Variants in OPCML observed in about 807,000 individuals in gnomAD.
OPCML encodes the protein opioid-binding protein/cell adhesion molecule.
A neutral mutation model predicts 37.8 loss-of-function variants in OPCML; 13 were observed. That is an observed-to-expected ratio of 0.34 (90% CI 0.22 to 0.55). The LOEUF is 0.55. OPCML is among the 20% of genes least tolerant of loss of function. OPCML has a pLI of 0.91. For missense variants in OPCML, 341 were observed against 435.6 expected, an observed-to-expected ratio of 0.78 and a Z score of 1.93; for synonymous variants, 176 against 168.8, an observed-to-expected ratio of 1.04 and a Z score of -0.33.
chr11:132,535,289 A>C (rs75507394), intron 3 of OPCML, among the ~76,000 whole-genome samples: 1,941 of 152,198 alleles, frequency 0.013, 41 homozygotes, highest in African/African-American at 0.039. Flanking sequence ...ATGCACAGGG[A>C]AAATCTCACA....
At chr11:133,321,108 G>GT (rs1237426024) in intron 1 of OPCML, among the ~76,000 whole-genome samples, 1 of 152,254 alleles carries the variant, frequency 6.6e-6, no homozygotes, top group East Asian at 1.9e-4. Context: ...TTGGGGGAAG[G>GT]TGGGGGGACA....
chr11:133,157,983 A>G (rs1026453569), intron 1 of OPCML, among the ~76,000 whole-genome samples: 2 of 152,248 alleles, frequency 1.3e-5, no homozygotes, highest in African/African-American at 2.4e-5. Context: ...GAGGGCCAGC[A>G]GGAAGTGCAG....
At chr11:133,472,506 A>C (rs997501666) in intron 1 of OPCML, among the ~76,000 whole-genome samples, 2 of 151,822 alleles carry the variant, frequency 1.3e-5, no homozygotes, top group Non-Finnish European at 2.9e-5. Flanking sequence ...GATGTGATGC[A>C]GATCAGGCAA....
chr11:133,191,506 T>G lies in OPCML; in HGVS notation c.62-248496A>C, dbSNP rs11223385. 3.4e-3 allele frequency among the ~76,000 whole-genome samples: 450 copies of G among 132,948 alleles called. 2 individuals are homozygous for G. Among genetic ancestry groups the G allele is most frequent in the South Asian group, 5.0e-3 (22 of 4,424 alleles). 87.2% of individuals were successfully genotyped at this position (132,948 alleles called of 152,430 possible). A position where few individuals can be genotyped will look rare whatever the true frequency, so the allele number is the denominator to read the frequency against. On this transcript the variant is annotated intron_variant, in intron 1 of 7. Transcript: ENST00000524381. ...TCTTTTTCTTTTCTGTGTGTGTGGG[T>G]GTGTGTGTGTGTGTGTGTGTGTGTG...
chr11:132,960,178 G>A (rs75053792), intron 1 of OPCML, among the ~76,000 whole-genome samples: 1,543 of 152,324 alleles, frequency 0.01, 16 homozygotes, highest in Non-Finnish European at 0.017. Context: ...TCTAAGGTAA[G>A]TGACTTACGT....
At chr11:133,483,577 ATAGAT>A (rs1407671785) in intron 1 of OPCML, among the ~76,000 whole-genome samples, 1 of 151,870 alleles carries the variant, frequency 6.6e-6, no homozygotes, top group Non-Finnish European at 1.5e-5. Context: ...GGAATGGATG[ATAGAT>A]TAGATAGATT....
chr11:133,359,266 C>T (rs1944361395), intron 1 of OPCML, among the ~76,000 whole-genome samples: 1 of 152,176 alleles, frequency 6.6e-6, no homozygotes, highest in South Asian at 2.1e-4. Context: ...TCCAGCCGTA[C>T]TCATCAATGT....
intron 1 of OPCML, among the ~76,000 whole-genome samples, chr11:133,524,456 T>A (rs948378163): frequency 6.6e-6 from 1 of 152,066 alleles, no homozygotes; most frequent in Non-Finnish European, 1.5e-5. Context: ...ATTCTCCTTT[T>A]GATTGGTACA....
chr11:132,834,988 T>TA (rs11300115), intron 2 of OPCML, among the ~76,000 whole-genome samples: 2,080 of 142,950 alleles, frequency 0.015, 37 homozygotes, highest in Middle Eastern at 0.04. Context: ...TGGCACTTTG[T>TA]AAAAAAAAAA....
chr11:133,232,318 T>C (rs1158301348), intron 1 of OPCML, among the ~76,000 whole-genome samples: 1 of 152,158 alleles, frequency 6.6e-6, no homozygotes, highest in African/African-American at 2.4e-5. Context: ...TAGACTGAGG[T>C]CTAGTTTTAA....
chr11:132,903,696 T>C (rs1214869545), intron 2 of OPCML, among the ~76,000 whole-genome samples: 2 of 151,730 alleles, frequency 1.3e-5, no homozygotes, highest in African/African-American at 4.8e-5. Context: ...AAAGAAGGGG[T>C]CAGTCCATCA....
intron 1 of OPCML, among the ~76,000 whole-genome samples, chr11:133,288,734 T>G (rs1050339315): frequency 6.6e-6 from 1 of 152,178 alleles, no homozygotes; most frequent in South Asian, 2.1e-4. Flanking sequence ...TTTGTTTTTG[T>G]TTTTTCAAAT....
At chr11:133,392,380 G>A (rs1945191190) in intron 1 of OPCML, among the ~76,000 whole-genome samples, 1 of 152,134 alleles carries the variant, frequency 6.6e-6, no homozygotes, top group Admixed American at 6.5e-5. Flanking sequence ...ATCACAAACT[G>A]CCGTATTAGC....
intron 1 of OPCML, among the ~76,000 whole-genome samples, chr11:133,082,848 G>C (rs1948755203): frequency 1.3e-5 from 2 of 149,566 alleles, no homozygotes; most frequent in South Asian, 4.2e-4. Context: ...CAGCCTGCAG[G>C]GTGCCGGGGG....
At chr11:132,470,635 C>T (rs1256300747) in intron 4 of OPCML, among the ~76,000 whole-genome samples, 1 of 152,158 alleles carries the variant, frequency 6.6e-6, no homozygotes, top group Admixed American at 6.5e-5. Context: ...GTGGAAGCCA[C>T]TCATGTCTGT....
At chr11:132,890,998 C>T (rs1339972112) in intron 2 of OPCML, among the ~76,000 whole-genome samples, 3 of 152,026 alleles carry the variant, frequency 2.0e-5, no homozygotes, top group African/African-American at 4.8e-5. Flanking sequence ...AGTATGCCAA[C>T]ATCATCTTAC....
At chr11:133,203,075 G>C (rs1938873173) in intron 1 of OPCML, among the ~76,000 whole-genome samples, 1 of 152,204 alleles carries the variant, frequency 6.6e-6, no homozygotes, top group Non-Finnish European at 1.5e-5. Flanking sequence ...CACAAACACA[G>C]AGACTGAGGT....
chr11:132,987,634 G>A (rs2136808610), intron 1 of OPCML, among the ~76,000 whole-genome samples: 1 of 152,232 alleles, frequency 6.6e-6, no homozygotes, highest in South Asian at 2.1e-4. Flanking sequence ...TATTTTAGGG[G>A]GCAAGAGTGG....
At chr11:133,460,386 T>A (rs1686424686) in intron 1 of OPCML, among the ~76,000 whole-genome samples, 1 of 151,842 alleles carries the variant, frequency 6.6e-6, no homozygotes, top group Admixed American at 6.6e-5. Context: ...TACAAATTTT[T>A]AAAAAGACAA....
Sources: allele counts gnomAD v4.1 joint callset (sites outside exome capture counted in the v4.1 genomes callset), GRCh38; gene constraint gnomAD v4.1.1; transcripts MANE v1.5; gene names NCBI Gene and HGNC (gene_info 2026-07-23, HGNC 2026-07-21).